Variants in SSBP2 observed in about 807,000 individuals in gnomAD.
SSBP2 encodes the protein single-stranded DNA-binding protein 2.
SSBP2 carries 17 observed loss-of-function variants against 61.8 expected under a neutral mutation model. The ratio of observed to expected loss-of-function variants is 0.28; its 90% confidence interval spans 0.19 to 0.41. SSBP2 has a LOEUF of 0.41. Ranked by LOEUF, SSBP2 falls within the 10% of genes least tolerant of loss-of-function variation. SSBP2 has a pLI of 1.00. For missense variants in SSBP2, 310 were observed against 458.7 expected (o/e 0.68, Z 2.96); for synonymous variants, 139 against 141.3 (o/e 0.98, Z 0.12).
At chr5:81,681,958 C>G (rs1025503404) in intron 1 of SSBP2, among the ~76,000 whole-genome samples, 3 of 152,028 alleles carry the variant, frequency 2.0e-5, no homozygotes, top group Non-Finnish European at 2.9e-5. Context: ...ATTTGATAAC[C>G]TAGATGAAAT....
intron 4 of SSBP2, among the ~76,000 whole-genome samples, chr5:81,583,465 T>C (rs1200924295): frequency 6.6e-6 from 1 of 151,572 alleles, no homozygotes; most frequent in South Asian, 2.1e-4. Flanking sequence ...CCGTCTCTAC[T>C]AAAAATGCAA....
At chr5:81,470,403 T>C (rs574169686) in intron 8 of SSBP2, among the ~76,000 whole-genome samples, 23 of 151,982 alleles carry the variant, frequency 1.5e-4, no homozygotes, top group African/African-American at 4.3e-4. Flanking sequence ...GTACCACCAC[T>C]GTATTTAGAT....
chr5:81,714,609 G>A (rs1306568506), intron 1 of SSBP2, among the ~76,000 whole-genome samples: 1 of 152,144 alleles, frequency 6.6e-6, no homozygotes, highest in African/African-American at 2.4e-5. Context: ...GGCATGAGAT[G>A]GTATCTCATT....
intron 1 of SSBP2, among the ~76,000 whole-genome samples, chr5:81,679,651 G>A (rs399104): frequency 0.47 from 71,476 of 151,946 alleles, 18,848 homozygotes; most frequent in African/African-American, 0.7. Context: ...AACTACAAAA[G>A]GCAAACAAGT....
At chr5:81,488,008 A>AT (rs1766509721) in intron 6 of SSBP2, among the ~76,000 whole-genome samples, 4 of 44,000 alleles carry the variant, frequency 9.1e-5, no homozygotes, top group South Asian at 9.5e-4. Context: ...TTATGGCCAA[A>AT]TAATATATAT....
rs542237343 is a variant in SSBP2, at chr5:81,636,443, G to A, written c.197+114C>T. 1.9e-5 allele frequency: 16 copies of A among 860,646 alleles called. No homozygotes were observed. In the African/African-American group the frequency reaches 2.7e-4, roughly 15 times the overall value. 53.3% of individuals were successfully genotyped at this position (860,646 alleles called of 1,614,324 possible). A position where few individuals can be genotyped will look rare whatever the true frequency, so the allele number is the denominator to read the frequency against. ...GTTTTTTAAAAAGTGCTACCTTCCA[G>A]AAAATTTTAGAAAATGAAAAAATAA... On this transcript the variant is annotated intron_variant, in intron 3 of 16. Coordinates refer to ENST00000320672, the MANE Select transcript of SSBP2 (RefSeq NM_012446.5).
intron 1 of SSBP2, among the ~76,000 whole-genome samples, chr5:81,735,423 C>CAAGT (rs1240296385): frequency 1.3e-5 from 2 of 152,216 alleles, no homozygotes; most frequent in African/African-American, 4.8e-5. Flanking sequence ...AATGGATGCT[C>CAAGT]AAGTCCCTTA....
At chr5:81,742,047 T>C (rs1242406724) in intron 1 of SSBP2, among the ~76,000 whole-genome samples, 1 of 152,236 alleles carries the variant, frequency 6.6e-6, no homozygotes, top group Non-Finnish European at 1.5e-5. Context: ...ATATTATCTG[T>C]ATTACCCTAG....
chr5:81,691,263 TC>T (rs1487339914), intron 1 of SSBP2, among the ~76,000 whole-genome samples: 1 of 151,450 alleles, frequency 6.6e-6, no homozygotes, highest in Non-Finnish European at 1.5e-5. Flanking sequence ...ATACAAAAGA[TC>T]AATGAAAAAG....
At position 81,556,359 on chromosome 5, in the gene SSBP2, A is replaced by G. The variant is rs188135440; in HGVS notation, c.283-42642T>C. Among the ~76,000 whole-genome samples the G allele has an allele frequency of 4.1e-3, 627 of 152,166 alleles. 6 individuals carry two copies. Among genetic ancestry groups the G allele is most frequent in the Non-Finnish European group, 3.3e-3 (222 of 67,940 alleles). On this transcript the variant is annotated intron_variant, in intron 4 of 16. Transcript: ENST00000320672. ...TCTCAGCTCAGTATCTTAGAAACCTATATTTCAATAGCAAAGAAAGAAGGA... is the reference window on the plus strand; with the variant it reads ...TCTCAGCTCAGTATCTTAGAAACCTGTATTTCAATAGCAAAGAAAGAAGGA...
intron 4 of SSBP2, among the ~76,000 whole-genome samples, chr5:81,555,198 T>C (rs143906122): frequency 6.6e-5 from 10 of 152,110 alleles, no homozygotes; most frequent in Admixed American, 6.6e-4. Context: ...CAAAATAAAT[T>C]TAATTTTTCT....
chr5:81,731,322 ATAG>A (rs202116863), intron 1 of SSBP2, among the ~76,000 whole-genome samples: 1,847 of 152,326 alleles, frequency 0.012, 36 homozygotes, highest in African/African-American at 0.041. Flanking sequence ...AGATAAAAAA[ATAG>A]TAATAATAAT....
At chr5:81,684,943 C>G (rs1467000932) in intron 1 of SSBP2, among the ~76,000 whole-genome samples, 2 of 152,004 alleles carry the variant, frequency 1.3e-5, no homozygotes, top group African/African-American at 4.8e-5. Context: ...TGTGTCCCCA[C>G]ACAAATCTCA....
chr5:81,650,679 A>G (rs1408438014), intron 1 of SSBP2, among the ~76,000 whole-genome samples: 2 of 152,066 alleles, frequency 1.3e-5, no homozygotes, highest in Non-Finnish European at 1.5e-5. Flanking sequence ...ATAACCTTTC[A>G]TTAGTAAAAG....
chr5:81,458,518 T>C (rs1027406722), intron 10 of SSBP2, among the ~76,000 whole-genome samples: 3 of 152,228 alleles, frequency 2.0e-5, no homozygotes, highest in Admixed American at 2.0e-4. Context: ...ATTCTTGCAA[T>C]GTTTAACTCT....
intron 1 of SSBP2, among the ~76,000 whole-genome samples, chr5:81,697,555 C>T (rs1008493626): frequency 6.6e-6 from 1 of 152,160 alleles, no homozygotes; most frequent in Non-Finnish European, 1.5e-5. Context: ...AATAAAACCA[C>T]TGTTTCAAGA....
At chr5:81,455,649 A>AG in intron 10 of SSBP2, among the ~76,000 whole-genome samples, 1 of 52,858 alleles carries the variant, frequency 1.9e-5, no homozygotes, top group East Asian at 2.8e-4. Flanking sequence ...AAAAAAAAAA[A>AG]AAAAAATCCT....
intron 8 of SSBP2, among the ~76,000 whole-genome samples, chr5:81,471,181 C>T (rs1765224104): frequency 6.6e-6 from 1 of 151,692 alleles, no homozygotes; most frequent in Non-Finnish European, 1.5e-5. Context: ...ATGAAATAAA[C>T]CACTTTCTCT....
intron 1 of SSBP2, among the ~76,000 whole-genome samples, chr5:81,734,363 T>G (rs934248925): frequency 2.0e-5 from 3 of 152,254 alleles, no homozygotes; most frequent in African/African-American, 7.2e-5. Flanking sequence ...CACTTTGGTT[T>G]TAGTTTGCAG....
Sources: gnomAD v4.1 joint callset for allele counts (sites outside exome capture counted in the v4.1 genomes callset) on GRCh38, gnomAD v4.1.1 for gene constraint, MANE v1.5 for transcripts, NCBI Gene and HGNC (gene_info 2026-07-23, HGNC 2026-07-21) for gene names.